The following CETP variants were observed in gnomAD, a reference collection of about 807,000 sequenced individuals.
CETP encodes the protein BPI fold containing family F.
CETP carries 56 observed loss-of-function variants against 66.5 expected under a neutral mutation model. The observed-to-expected ratio is 0.84, with a 90% CI of 0.68 to 1.05. CETP has a LOEUF of 1.05. Ranked by LOEUF, CETP falls within the 50% of genes least tolerant of loss-of-function variation. The pLI, the probability that CETP is intolerant of heterozygous loss-of-function variation, is 0.00. For missense variants in CETP, 612 were observed against 609.6 expected (o/e 1.00, Z -0.04); for synonymous variants, 251 against 245.7 (o/e 1.02, Z -0.20).
intron 10 of CETP, among the ~76,000 whole-genome samples, chr16:56,975,695 C>G (rs1278099389): frequency 6.6e-6 from 1 of 152,118 alleles, no homozygotes; most frequent in Non-Finnish European, 1.5e-5. Flanking sequence ...AAATGGACCT[C>G]ATGCTTTCTG....
intron 10 of CETP, among the ~76,000 whole-genome samples, chr16:56,976,398 C>A (rs185619067): frequency 6.6e-6 from 1 of 152,320 alleles, no homozygotes; most frequent in African/African-American, 2.4e-5. Context: ...TTGTTTCCCA[C>A]CCAGCGTAAT....
At chr16:56,982,442 C>G (rs560774313) in intron 14 of CETP, among the ~76,000 whole-genome samples, 84 of 152,292 alleles carry the variant, frequency 5.5e-4, no homozygotes, top group African/African-American at 2.0e-3. Context: ...CTTGGTTTAC[C>G]TGCAGAATAT....
At chr16:56,973,252 C>A in intron 8 of CETP, 79 bp from the exon 9 acceptor site, 1 of 1,452,786 alleles carries the variant, frequency 6.9e-7, no homozygotes, top group Non-Finnish European at 9.6e-7. Flanking sequence ...AATGCTGGGG[C>A]TCCTCCCAAT....
intron 2 of CETP, among the ~76,000 whole-genome samples, chr16:56,966,678 C>A (rs1235551228): frequency 6.6e-6 from 1 of 152,026 alleles, no homozygotes; most frequent in Non-Finnish European, 1.5e-5. Context: ...CGACTCACTG[C>A]AACTTCTGCC....
chr16:56,962,870 G>T, intron 1 of CETP, 140 bp from the exon 2 acceptor site: 4 of 724,156 alleles, frequency 5.5e-6, no homozygotes, highest in Non-Finnish European at 9.8e-6. Flanking sequence ...CCAGAGGGAG[G>T]CCCAGTCCAA....
chr16:56,966,155 G>T lies in CETP; in HGVS notation c.233+3031G>T, dbSNP rs546426724. Among the ~76,000 whole-genome samples, 3 of 152,276 alleles carry T rather than the reference G, an allele frequency of 2.0e-5. No individual in the cohort carries two copies. The East Asian group carries it at 5.8e-4, about 29-fold the overall frequency. ...TTTAAAAGGCTAGAAGTCCACCATG[G>T]CCCTCCCTGAGCTAAGATCAAGCTG... is the stretch of plus-strand genomic sequence containing the variant. On this transcript the variant is annotated intron_variant, in intron 2 of 15. Transcript: ENST00000200676.
At chr16:56,972,639 C>T (rs545458468) in intron 8 of CETP, among the ~76,000 whole-genome samples, 2 of 152,344 alleles carry the variant, frequency 1.3e-5, no homozygotes, top group South Asian at 2.1e-4. Flanking sequence ...ACTGGCCTGA[C>T]CACCACACCC....
chr16:56,978,376 G>C, intron 11 of CETP, 121 bp downstream of exon 11: 1 of 1,195,190 alleles, frequency 8.4e-7, no homozygotes, highest in African/African-American at 1.5e-5. Context: ...TGCTGGCACT[G>C]GTTGTCTCTT....
At chr16:56,975,238 C>A (rs2142001849) in intron 10 of CETP, 87 bp downstream of exon 10, 2 of 1,103,016 alleles carry the variant, frequency 1.8e-6, no homozygotes, top group Non-Finnish European at 1.4e-6. Flanking sequence ...GCCAATAACA[C>A]CACCAATGGC....
intron 2 of CETP, among the ~76,000 whole-genome samples, chr16:56,966,969 G>A (rs955406520): frequency 2.0e-5 from 3 of 151,978 alleles, no homozygotes; most frequent in Non-Finnish European, 4.4e-5. Flanking sequence ...ATTGTATTCT[G>A]TGCGGAGGTC....
At position 56,983,352 on chromosome 16, in the gene CETP, A is replaced by G. The variant is rs758862566; in HGVS notation, c.1348A>G (p.Met450Val). 1 of 1,614,248 alleles carries G rather than the reference A, an allele frequency of 6.2e-7. No homozygotes were observed. Among genetic ancestry groups the G allele is most frequent in the Non-Finnish European group, 8.5e-7 (1 of 1,180,042 alleles). ...GCTCGAGGTAGTGTTTACAGCCCTCATGAACAGCAAAGGCGTGAGCCTCTT... is the reference window on the plus strand; with the variant it reads ...GCTCGAGGTAGTGTTTACAGCCCTCGTGAACAGCAAAGGCGTGAGCCTCTT... ...SRLEVVFTALMNSKGVSLFDI... is the reference protein window; with the variant it reads ...SRLEVVFTALVNSKGVSLFDI... Residue 450 changes from methionine (M) to valine (V), a missense_variant, in exon 15 of 16, where the codon ATG becomes GTG. Physicochemically the swap from Met to Val is conservative, Grantham distance 21. Transcript: ENST00000200676.
intron 8 of CETP, among the ~76,000 whole-genome samples, chr16:56,972,440 A>G (rs568535124): frequency 6.6e-6 from 1 of 152,372 alleles, no homozygotes; most frequent in East Asian, 1.9e-4. Flanking sequence ...TACTTAGGAT[A>G]TAGATTTCTG....
chr16:56,962,966 T>G lies in CETP; in HGVS notation c.119-44T>G, dbSNP rs1263194035. ...CCAGTTGGGGGTGGGAGCAGGGGGC[T>G]TGGTGTGGGCCTGCAGCCCCTCATC... On this transcript the variant is annotated intron_variant, in intron 1 of 15. Coordinates refer to ENST00000200676, the MANE Select transcript of CETP (RefSeq NM_000078.3). 7.7e-6 allele frequency: 12 copies of G among 1,556,230 alleles called. No homozygotes were observed. In the East Asian group the frequency reaches 2.7e-4, roughly 35 times the overall value.
chr16:56,974,315 G>A (rs158480), intron 9 of CETP, among the ~76,000 whole-genome samples: 117,864 of 152,108 alleles, frequency 0.77, 46,811 homozygotes, highest in Middle Eastern at 0.87. Context: ...TGTGCACGGC[G>A]GTGCATACCT....
chr16:56,979,346 C>A (rs1219614919), intron 11 of CETP, among the ~76,000 whole-genome samples: 1 of 152,200 alleles, frequency 6.6e-6, no homozygotes, highest in Admixed American at 6.5e-5. Context: ...ATTGGCATTT[C>A]TCCTCATATG....
At chr16:56,972,882 A>G (rs1194907187) in intron 8 of CETP, among the ~76,000 whole-genome samples, 1 of 152,150 alleles carries the variant, frequency 6.6e-6, no homozygotes, top group East Asian at 1.9e-4. Context: ...GCCACTCCTG[A>G]AGCCTGTTCA....
chr16:56,982,362 T>C (rs1597008421), intron 14 of CETP, 125 bp downstream of exon 14: 1 of 912,268 alleles, frequency 1.1e-6, no homozygotes, highest in East Asian at 2.4e-5. Flanking sequence ...TTAGCGGTCC[T>C]GGCCCCCTTT....
chr16:56,973,576 G>A (rs1215087248), intron 9 of CETP, 66 bp downstream of exon 9: 29 of 1,531,816 alleles, frequency 1.9e-5, no homozygotes, highest in African/African-American at 2.7e-5. Context: ...GTGTGCACAC[G>A]CATGGGGAGG....
At chr16:56,979,144 G>A (rs1384201977) in intron 11 of CETP, among the ~76,000 whole-genome samples, 2 of 152,084 alleles carry the variant, frequency 1.3e-5, no homozygotes, top group Non-Finnish European at 2.9e-5. Flanking sequence ...TCCTCCTTAA[G>A]CTGAGCAGTG....
Sources: allele counts gnomAD v4.1 joint callset (sites outside exome capture counted in the v4.1 genomes callset), GRCh38; gene constraint gnomAD v4.1.1; transcripts MANE v1.5; gene names NCBI Gene and HGNC (gene_info 2026-07-23, HGNC 2026-07-21).